ERC2: variants seen among roughly 807,000 people sequenced by gnomAD.
The protein encoded by ERC2 is ELKS/RAB6-interacting/CAST family member 2.
A neutral mutation model predicts 114.8 loss-of-function variants in ERC2; 42 were observed. That is an observed-to-expected ratio of 0.37 (90% CI 0.29 to 0.47). The LOEUF is 0.47. ERC2 is among the 20% of genes least tolerant of loss of function. The pLI is 0.99. For synonymous variants in ERC2, 454 were observed against 425.5 expected (o/e 1.07, Z -0.82); for missense variants, 939 against 1,150.7 (o/e 0.82, Z 2.66).
chr3:55,877,759 G>T (rs2149297624), intron 14 of ERC2, among the ~76,000 whole-genome samples: 1 of 151,902 alleles, frequency 6.6e-6, no homozygotes, highest in South Asian at 2.1e-4. Flanking sequence ...GTGATCCACT[G>T]GCCTCAGCCT....
At chr3:56,341,838 C>G (rs1180105752) in intron 2 of ERC2, among the ~76,000 whole-genome samples, 1 of 152,142 alleles carries the variant, frequency 6.6e-6, no homozygotes, top group Non-Finnish European at 1.5e-5. Context: ...GTTTCCTAAG[C>G]AGGGCATCAC....
At chr3:55,819,319 G>A (rs2060026705) in intron 14 of ERC2, among the ~76,000 whole-genome samples, 1 of 152,150 alleles carries the variant, frequency 6.6e-6, no homozygotes, top group African/African-American at 2.4e-5. Flanking sequence ...CCAGATGCAG[G>A]CCAGGGTTTG....
chr3:56,199,814 T>C (rs2048308867), intron 3 of ERC2, among the ~76,000 whole-genome samples: 1 of 152,060 alleles, frequency 6.6e-6, no homozygotes, highest in East Asian at 1.9e-4. Flanking sequence ...TGGCCAGCCA[T>C]ACGCTTTTTA....
At chr3:56,078,881 T>A (rs1318994112) in intron 7 of ERC2, among the ~76,000 whole-genome samples, 2 of 149,612 alleles carry the variant, frequency 1.3e-5, no homozygotes, top group African/African-American at 4.9e-5. Context: ...ATTTTAAAAA[T>A]ACATATACAC....
intron 14 of ERC2, among the ~76,000 whole-genome samples, chr3:55,773,024 G>A (rs138338636): frequency 6.6e-6 from 1 of 152,248 alleles, no homozygotes; most frequent in African/African-American, 2.4e-5. Flanking sequence ...CCTCCTAGCT[G>A]GTCTCCTGCT....
intron 2 of ERC2, among the ~76,000 whole-genome samples, chr3:56,327,720 C>T (rs145060855): frequency 1.5e-3 from 230 of 152,266 alleles, no homozygotes; most frequent in Admixed American, 2.9e-3. Flanking sequence ...CCCATTCATG[C>T]TGCCATCCAC....
intron 14 of ERC2, among the ~76,000 whole-genome samples, chr3:55,768,812 C>T (rs187189784): frequency 4.6e-5 from 7 of 152,270 alleles, no homozygotes; most frequent in Middle Eastern, 3.4e-3. Context: ...AGGTTACACA[C>T]CCTAGTTGGG....
chr3:56,031,304 A>G (rs999464082), intron 7 of ERC2, among the ~76,000 whole-genome samples: 12 of 152,100 alleles, frequency 7.9e-5, no homozygotes, highest in African/African-American at 2.7e-4. Context: ...AATAACCCAG[A>G]TTCCAGGTCT....
chr3:55,516,682 A>G (rs934521779), intron 17 of ERC2, among the ~76,000 whole-genome samples: 1 of 152,222 alleles, frequency 6.6e-6, no homozygotes, highest in Non-Finnish European at 1.5e-5. Context: ...TAACTCATCC[A>G]TAACGTTTTA....
intron 14 of ERC2, among the ~76,000 whole-genome samples, chr3:55,777,066 T>TA (rs1311962695): frequency 3.5e-5 from 5 of 143,140 alleles, no homozygotes; most frequent in South Asian, 2.1e-4. Flanking sequence ...CAAAGGCAGT[T>TA]AAAAATACAT....
intron 2 of ERC2, among the ~76,000 whole-genome samples, chr3:56,405,614 T>C (rs529377107): frequency 6.6e-6 from 1 of 150,594 alleles, no homozygotes; most frequent in South Asian, 2.1e-4. Context: ...GATAGATGGA[T>C]AGATGGATGG....
chr3:55,573,529 T>G (rs1575621413), intron 17 of ERC2, among the ~76,000 whole-genome samples: 3 of 152,156 alleles, frequency 2.0e-5, no homozygotes, highest in African/African-American at 7.2e-5. Context: ...TCACAGCTAG[T>G]TGGAGGCAGG....
chr3:55,972,587 C>A (rs1351037918), intron 12 of ERC2, among the ~76,000 whole-genome samples: 1 of 152,158 alleles, frequency 6.6e-6, no homozygotes, highest in African/African-American at 2.4e-5. Flanking sequence ...TTCATCCAAG[C>A]CCCTGCAAAG....
Position 55,790,616 on chromosome 3 carries a change from T to A in ERC2, c.2565-55698A>T, listed in dbSNP as rs2069924883. 2.6e-5 allele frequency among the ~76,000 whole-genome samples: 4 copies of A among 152,188 alleles called. 1 individual carries two copies. The South Asian group carries it at 8.3e-4, about 31-fold the overall frequency. On this transcript the variant is annotated intron_variant, in intron 14 of 17. Transcript: ENST00000288221. ...GAAAATGGAGGGTGAATAACAACCC[T>A]ACTATCCCCCACCTCCAGATAAGCT...
intron 2 of ERC2, among the ~76,000 whole-genome samples, chr3:56,380,409 G>A (rs978245085): frequency 6.6e-6 from 1 of 151,976 alleles, no homozygotes; most frequent in South Asian, 2.1e-4. Flanking sequence ...CACTCCCTGG[G>A]CTGATGCTAG....
intron 17 of ERC2, among the ~76,000 whole-genome samples, chr3:55,606,170 G>T (rs1329786534): frequency 6.6e-6 from 1 of 152,190 alleles, no homozygotes; most frequent in Non-Finnish European, 1.5e-5. Flanking sequence ...CAAACTCCGT[G>T]ATGGCTTGGG....
chr3:56,357,789 T>C (rs1031949155), intron 2 of ERC2, among the ~76,000 whole-genome samples: 6 of 148,408 alleles, frequency 4.0e-5, no homozygotes, highest in African/African-American at 1.3e-4. Flanking sequence ...ATCTAGTATG[T>C]CATATCCCAT....
At chr3:56,360,329 C>T (rs1166713391) in intron 2 of ERC2, among the ~76,000 whole-genome samples, 5 of 151,974 alleles carry the variant, frequency 3.3e-5, no homozygotes, top group African/African-American at 7.2e-5. Flanking sequence ...CCACCATGCC[C>T]GGCCAACAAA....
At chr3:55,721,313 A>G (rs909538584) in intron 15 of ERC2, among the ~76,000 whole-genome samples, 6 of 152,256 alleles carry the variant, frequency 3.9e-5, no homozygotes, top group Non-Finnish European at 2.9e-5. Context: ...CACTGTGCCT[A>G]GTATACCATT....
Sources: allele counts gnomAD v4.1 joint callset (sites outside exome capture counted in the v4.1 genomes callset), GRCh38; gene constraint gnomAD v4.1.1; transcripts MANE v1.5; gene names NCBI Gene and HGNC (gene_info 2026-07-23, HGNC 2026-07-21).